SLC25A42: variants seen among roughly 807,000 people sequenced by gnomAD.
SLC25A42 encodes solute carrier family 25 member 42.
SLC25A42 carries 19 observed loss-of-function variants against 34.7 expected under a neutral mutation model. The ratio of observed to expected loss-of-function variants is 0.55; its 90% confidence interval spans 0.38 to 0.80. SLC25A42 has a LOEUF of 0.80. SLC25A42 is among the 30% of genes least tolerant of loss of function. The pLI is 0.00. For missense variants in SLC25A42, 364 were observed against 441.3 expected (o/e 0.82, Z 1.57); for synonymous variants, 205 against 191.2 (o/e 1.07, Z -0.59).
intron 1 of SLC25A42, 42 bp from the exon 2 acceptor site, chr19:19,096,049 C>A: frequency 7.6e-7 from 1 of 1,322,720 alleles, no homozygotes; most frequent in Non-Finnish European, 1.1e-6. Flanking sequence ...CACCATCTCT[C>A]AGGATCTCGC....
intron 1 of SLC25A42, among the ~76,000 whole-genome samples, chr19:19,065,741 C>T (rs1389417829): frequency 6.6e-6 from 1 of 152,238 alleles, no homozygotes; most frequent in Admixed American, 6.5e-5. Context: ...GTGTTGTACA[C>T]ATATGTACAT....
At chr19:19,086,703 C>T (rs1032792235) in intron 1 of SLC25A42, among the ~76,000 whole-genome samples, 4 of 151,880 alleles carry the variant, frequency 2.6e-5, no homozygotes, top group Admixed American at 6.6e-5. Flanking sequence ...TGCAGTGGTG[C>T]GATCTCAGCT....
intron 3 of SLC25A42, among the ~76,000 whole-genome samples, chr19:19,103,084 A>T (rs2059807143): frequency 6.6e-6 from 1 of 150,432 alleles, no homozygotes; most frequent in African/African-American, 2.5e-5. Context: ...TCTTTTATTT[A>T]TTTATTTTTG....
intron 1 of SLC25A42, among the ~76,000 whole-genome samples, chr19:19,083,159 C>T (rs1599671572): frequency 6.6e-6 from 1 of 152,056 alleles, no homozygotes; most frequent in South Asian, 2.1e-4. Context: ...CACTATGTTA[C>T]CCAGGCTGCT....
chr19:19,110,811 G>A lies in SLC25A42; in HGVS notation c.892G>A (p.Ala298Thr), dbSNP rs1403029465. The A allele has an allele frequency of 6.2e-7, 1 of 1,613,830 alleles. No homozygotes were observed. The highest frequency in any genetic ancestry group is 8.5e-7 in the Non-Finnish European group (1 of 1,180,016). ...LSMNWVKGPIAVGISFTTFDL... is the reference protein window; with the variant it reads ...LSMNWVKGPITVGISFTTFDL... ...CATGAACTGGGTCAAGGGTCCCATC[G>A]CCGTGGGCATCAGCTTCACCACCTT... The change falls in exon 8 of 8, where the codon GCC becomes ACC. Residue 298 changes from alanine (A) to threonine (T), a missense_variant. Physicochemically the swap from Ala to Thr is moderately conservative, Grantham distance 58 (BLOSUM62 0). Coordinates refer to ENST00000318596, the MANE Select transcript of SLC25A42 (RefSeq NM_178526.5).
intron 1 of SLC25A42, among the ~76,000 whole-genome samples, chr19:19,086,814 T>C (rs954960918): frequency 6.6e-6 from 1 of 152,102 alleles, no homozygotes; most frequent in African/African-American, 2.4e-5. Flanking sequence ...CTAATTTTTG[T>C]ATTTTTTGTA....
intron 1 of SLC25A42, among the ~76,000 whole-genome samples, chr19:19,074,820 G>A: frequency 6.6e-6 from 1 of 152,000 alleles, no homozygotes; most frequent in Middle Eastern, 3.2e-3. Flanking sequence ...GGGGCTTATA[G>A]GATGCTTGGG....
At chr19:19,068,316 TC>T (rs1426909459) in intron 1 of SLC25A42, among the ~76,000 whole-genome samples, 8 of 137,818 alleles carry the variant, frequency 5.8e-5, no homozygotes, top group African/African-American at 2.2e-4. Flanking sequence ...GATCACACCA[TC>T]GCACTCCAGC....
intron 6 of SLC25A42, among the ~76,000 whole-genome samples, chr19:19,107,682 G>A (rs1157461284): frequency 1.3e-5 from 2 of 152,168 alleles, no homozygotes; most frequent in Non-Finnish European, 1.5e-5. Context: ...CTTGCTTCCC[G>A]TGGCGAAGGT....
At chr19:19,099,108 A>G (rs1201437207) in intron 2 of SLC25A42, among the ~76,000 whole-genome samples, 2 of 152,132 alleles carry the variant, frequency 1.3e-5, no homozygotes, top group African/African-American at 4.8e-5. Context: ...GAAGCTGGTA[A>G]GGCCTTGGAC....
chr19:19,091,024 C>T (rs979022268), intron 1 of SLC25A42, among the ~76,000 whole-genome samples: 1 of 152,232 alleles, frequency 6.6e-6, no homozygotes, highest in Non-Finnish European at 1.5e-5. Context: ...CATCTTTCTG[C>T]TGTGACAAAA....
chr19:19,093,594 CTCTT>C (rs1438360817), intron 1 of SLC25A42, among the ~76,000 whole-genome samples: 1 of 152,200 alleles, frequency 6.6e-6, no homozygotes, highest in East Asian at 1.9e-4. Context: ...GTTTCTCAGG[CTCTT>C]TGTTTTTGGT....
Position 19,095,906 on chromosome 19 carries a change from C to T in SLC25A42, c.-34-185C>T, listed in dbSNP as rs969549932. On this transcript the variant is annotated intron_variant, in intron 1 of 7. Coordinates refer to ENST00000318596, the MANE Select transcript of SLC25A42 (RefSeq NM_178526.5). ...CAGACTGTTTGTGAGGATTACATTC[C>T]AGTACCAACAAGAAAGGCTTTTGTA... The T allele has an allele frequency of 2.4e-5, 16 of 662,774 alleles. No individual in the cohort carries two copies. In the African/African-American group the frequency reaches 2.8e-4, roughly 12 times the overall value. 41.1% of individuals were successfully genotyped at this position (662,774 alleles called of 1,614,324 possible).
intron 1 of SLC25A42, among the ~76,000 whole-genome samples, chr19:19,069,089 A>G (rs1428836528): frequency 6.6e-6 from 1 of 152,032 alleles, no homozygotes; most frequent in East Asian, 1.9e-4. Flanking sequence ...CCAATAATAA[A>G]ATTAGCACCC....
intron 1 of SLC25A42, among the ~76,000 whole-genome samples, chr19:19,080,097 C>T (rs4808181): frequency 0.069 from 10,520 of 152,194 alleles, 414 homozygotes; most frequent in Middle Eastern, 0.15. Context: ...AGGAGGAGAA[C>T]GGGTGTTCCG....
At chr19:19,075,240 A>G (rs914839514) in intron 1 of SLC25A42, among the ~76,000 whole-genome samples, 1 of 152,108 alleles carries the variant, frequency 6.6e-6, no homozygotes, top group Non-Finnish European at 1.5e-5. Context: ...TGGAGGTTCT[A>G]TGCTGAGGCT....
chr19:19,074,528 A>G (rs2059646207), intron 1 of SLC25A42, among the ~76,000 whole-genome samples: 1 of 152,174 alleles, frequency 6.6e-6, no homozygotes, highest in African/African-American at 2.4e-5. Flanking sequence ...ACATTTGTAC[A>G]AACATTTCCT....
intron 1 of SLC25A42, among the ~76,000 whole-genome samples, chr19:19,078,536 G>A (rs1272319335): frequency 6.6e-6 from 1 of 152,176 alleles, no homozygotes; most frequent in Non-Finnish European, 1.5e-5. Flanking sequence ...TACCGATAGA[G>A]CCCGTGAAGG....
chr19:19,108,561 A>C (rs970862390), intron 7 of SLC25A42, among the ~76,000 whole-genome samples: 2 of 152,100 alleles, frequency 1.3e-5, no homozygotes, highest in Admixed American at 1.3e-4. Context: ...GAAAAAAAAA[A>C]AAAGTGACTC....
Sources: gnomAD v4.1 joint callset for allele counts (sites outside exome capture counted in the v4.1 genomes callset) on GRCh38, gnomAD v4.1.1 for gene constraint, MANE v1.5 for transcripts, NCBI Gene and HGNC (gene_info 2026-07-23, HGNC 2026-07-21) for gene names.